LIN28A: variants seen among roughly 807,000 people sequenced by gnomAD.
LIN28A encodes protein lin-28 homolog A.
Under a neutral mutation model 21.1 loss-of-function variants are expected in LIN28A, and 11 were observed. The ratio of observed to expected loss-of-function variants is 0.52; its 90% CI spans 0.33 to 0.86. LIN28A has a LOEUF of 0.86. LIN28A is among the 40% of genes least tolerant of loss of function. The probability of loss-of-function intolerance (pLI) is 0.03; values close to 1 mark genes in which losing one functional copy is unlikely to be tolerated. For missense variants in LIN28A, 219 were observed against 279.8 expected (o/e 0.78, Z 1.55); for synonymous variants, 111 against 108.7 (o/e 1.02, Z -0.13).
Position 26,426,389 on chromosome 1 carries a change from G to T in LIN28A, c.561G>T (p.Lys187Asn). 6.2e-7 allele frequency: 1 copy of T among 1,614,214 alleles called. No individual in the cohort carries two copies. Among genetic ancestry groups the T allele is most frequent in the Non-Finnish European group, 8.5e-7 (1 of 1,180,038 alleles). ...AGCAGGGCCCTAGTGCACAGGGAAA[G>T]CCAACCTACTTTCGAGAGGAAGAAG... ...KAQQGPSAQGKPTYFREEEEE... is the reference protein window; with the variant it reads ...KAQQGPSAQGNPTYFREEEEE... The change falls in exon 4 of 4, where the codon AAG (lysine) becomes AAT (asparagine). Residue 187 changes from lysine (K) to asparagine (N), a missense_variant. Lys to Asn is a moderately conservative substitution (Grantham distance 94). Coordinates refer to ENST00000326279, the MANE Select transcript of LIN28A (RefSeq NM_024674.6).
chr1:26,416,975 A>C (rs2074997164), intron 2 of LIN28A, among the ~76,000 whole-genome samples: 1 of 151,894 alleles, frequency 6.6e-6, no homozygotes, highest in Non-Finnish European at 1.5e-5. Flanking sequence ...AGTAGAATAT[A>C]AGAACTGAGT....
intron 2 of LIN28A, among the ~76,000 whole-genome samples, chr1:26,418,163 A>G (rs1212921511): frequency 6.6e-6 from 1 of 152,166 alleles, no homozygotes; most frequent in Non-Finnish European, 1.5e-5. Context: ...GGATAGGGTA[A>G]GGCAGGCAAT....
intron 2 of LIN28A, among the ~76,000 whole-genome samples, chr1:26,418,820 T>G (rs977075435): frequency 5.3e-5 from 8 of 152,250 alleles, no homozygotes; most frequent in Non-Finnish European, 8.8e-5. Context: ...TGATGGTGAC[T>G]TTGGCAAGAC....
intron 2 of LIN28A, among the ~76,000 whole-genome samples, chr1:26,417,034 C>T (rs113020527): frequency 1.1e-4 from 10 of 88,652 alleles, no homozygotes; most frequent in African/African-American, 3.2e-4. Context: ...CTGATCAAGC[C>T]GGTGGTTGGG....
chr1:26,425,650 T>C (rs1281713604), intron 3 of LIN28A, among the ~76,000 whole-genome samples, 163 bp downstream of exon 3: 2 of 152,116 alleles, frequency 1.3e-5, no homozygotes, highest in African/African-American at 4.8e-5. Context: ...GGGCAGTAGG[T>C]GAGGAGGCCA....
chr1:26,422,619 C>A (rs575171854), intron 2 of LIN28A, among the ~76,000 whole-genome samples: 2 of 152,196 alleles, frequency 1.3e-5, no homozygotes, highest in East Asian at 3.9e-4. Flanking sequence ...GTCCTTAGTG[C>A]ATCATATTAG....
chr1:26,425,419 A>G lies in LIN28A; in HGVS notation c.345A>G (p.Val115=). Residue 115 remains valine, a synonymous_variant, in exon 3 of 4, where the codon GTA becomes GTG. Transcript: ENST00000326279. The part of the protein sequence containing the change: ...ESIRVTGPGG[V]FCIGSERRPK... ...TCCGTGTCACCGGACCTGGTGGAGT[A>G]TTCTGTATTGGGAGTGAGAGGCGGC... The G allele has an allele frequency of 6.2e-7, 1 of 1,614,156 alleles. No individual in the cohort carries two copies. Among genetic ancestry groups the G allele is most frequent in the Non-Finnish European group, 8.5e-7 (1 of 1,180,034 alleles).
Position 26,414,211 on chromosome 1 carries a change from G to A in LIN28A, c.228+2629G>A, listed in dbSNP as rs191059090. 3.7e-5 allele frequency among the ~76,000 whole-genome samples: 5 copies of A among 136,504 alleles called. No individual in the cohort carries two copies. In the Admixed American group the frequency reaches 3.7e-4, roughly 10 times the overall value. 89.6% of individuals were successfully genotyped at this position (136,504 alleles called of 152,430 possible). On this transcript the variant is annotated intron_variant, in intron 2 of 3. Coordinates refer to ENST00000326279, the MANE Select transcript of LIN28A (RefSeq NM_024674.6). ...ACAGGATAAATTGTTTACTGGGGGA[G>A]GAGGAAAGTGTTCCCGAAGCAGAGG...
At chr1:26,417,742 G>A (rs1469619159) in intron 2 of LIN28A, among the ~76,000 whole-genome samples, 1 of 152,202 alleles carries the variant, frequency 6.6e-6, no homozygotes, top group African/African-American at 2.4e-5. Flanking sequence ...ATGCCACTTA[G>A]CCTACAGTAA....
In LIN28A at chr1:26,426,563, T is replaced by C; in HGVS notation, c.*105T>C. 1 of 843,208 alleles carries C rather than the reference T, an allele frequency of 1.2e-6. No individual in the cohort carries two copies. The highest frequency in any genetic ancestry group is 1.6e-5 in the South Asian group (1 of 63,848). 52.2% of individuals were successfully genotyped at this position (843,208 alleles called of 1,614,324 possible). ...GCATTGGGGCTAGTTGGCACTGCCA[T>C]GTATCTCAGGCTTGGGTTCACACCA... On this transcript the variant is annotated 3_prime_UTR_variant, in exon 4 of 4. Coordinates refer to ENST00000326279, the MANE Select transcript of LIN28A (RefSeq NM_024674.6).
rs943925862 is a variant in LIN28A, at chr1:26,426,885, A to T, written c.*427A>T. On this transcript the variant is annotated 3_prime_UTR_variant, in exon 4 of 4. Transcript: ENST00000326279. ...TACATTCTGTGGAAGGAGATCTCTC[A>T]GGAGTAAGCATTGTTTTTTTTTCAC... 1 of 183,188 alleles carries T rather than the reference A, an allele frequency of 5.5e-6. No individual in the cohort carries two copies. The highest frequency in any genetic ancestry group is 2.4e-5 in the African/African-American group (1 of 42,086). 11.3% of individuals were successfully genotyped at this position (183,188 alleles called of 1,614,324 possible).
chr1:26,421,483 T>C (rs1358998410), intron 2 of LIN28A, among the ~76,000 whole-genome samples: 1 of 152,250 alleles, frequency 6.6e-6, no homozygotes, highest in African/African-American at 2.4e-5. Flanking sequence ...TGTGTAATTC[T>C]TTTTTCTTAG....
intron 2 of LIN28A, among the ~76,000 whole-genome samples, chr1:26,422,156 G>A (rs967714430): frequency 6.6e-6 from 1 of 151,890 alleles, no homozygotes; most frequent in Admixed American, 6.6e-5. Context: ...CTACAGGTGT[G>A]TACCACTGTG....
chr1:26,412,720 C>G (rs1213242789), intron 2 of LIN28A, among the ~76,000 whole-genome samples: 1 of 151,526 alleles, frequency 6.6e-6, no homozygotes, highest in African/African-American at 2.4e-5. Flanking sequence ...AGGGTTGGAG[C>G]CTGAAGGGAT....
chr1:26,417,111 G>T (rs562873923), intron 2 of LIN28A, among the ~76,000 whole-genome samples: 1 of 152,166 alleles, frequency 6.6e-6, no homozygotes, highest in Non-Finnish European at 1.5e-5. Context: ...AAATCTACCC[G>T]AACACTTGAG....
At chr1:26,414,396 A>C (rs1434373235) in intron 2 of LIN28A, among the ~76,000 whole-genome samples, 2 of 152,136 alleles carry the variant, frequency 1.3e-5, no homozygotes, top group East Asian at 3.9e-4. Context: ...GGGGAAAGGC[A>C]ATTTAAAAAC....
intron 3 of LIN28A, 40 bp from the exon 4 acceptor site, chr1:26,426,202 T>A: frequency 6.4e-7 from 1 of 1,563,038 alleles, no homozygotes; most frequent in Non-Finnish European, 8.8e-7. Context: ...GGCCTCTTCT[T>A]GCTCCTTTCT....
chr1:26,420,316 G>A (rs12728900), intron 2 of LIN28A, among the ~76,000 whole-genome samples: 42,682 of 151,802 alleles, frequency 0.28, 6,720 homozygotes, highest in African/African-American at 0.42. Context: ...AGCGAGAGAG[G>A]TATTGCACCC....
At chr1:26,425,914 C>T (rs2075056330) in intron 3 of LIN28A, among the ~76,000 whole-genome samples, 1 of 152,170 alleles carries the variant, frequency 6.6e-6, no homozygotes, top group South Asian at 2.1e-4. Context: ...TATAATTTGG[C>T]TTCTTTAATT....
Sources: gnomAD v4.1 joint callset for allele counts (sites outside exome capture counted in the v4.1 genomes callset) on GRCh38, gnomAD v4.1.1 for gene constraint, MANE v1.5 for transcripts, NCBI Gene and HGNC (gene_info 2026-07-23, HGNC 2026-07-21) for gene names.